Variants in CNTNAP2 observed in about 807,000 individuals in gnomAD.
CNTNAP2 encodes the protein contactin-associated protein-like 2.
In CNTNAP2, 98 loss-of-function variants were observed where a neutral mutation model predicts 155.2. The ratio of observed to expected loss-of-function variants is 0.63; its 90% CI spans 0.54 to 0.75. The LOEUF is 0.75. CNTNAP2 is among the 30% of genes least tolerant of loss of function. The pLI, the probability that CNTNAP2 is intolerant of heterozygous loss-of-function variation, is 0.00. For synonymous variants in CNTNAP2, 651 were observed against 631.2 expected (o/e 1.03, Z -0.47); for missense variants, 1,727 against 1,688.1 (o/e 1.02, Z -0.40).
At chr7:148,082,364 A>C (rs562314427) in intron 15 of CNTNAP2, among the ~76,000 whole-genome samples, 1 of 152,316 alleles carries the variant, frequency 6.6e-6, no homozygotes, top group African/African-American at 2.4e-5. Context: ...CCCAGGGGAA[A>C]ATCCAAGCTA....
intron 1 of CNTNAP2, among the ~76,000 whole-genome samples, chr7:146,745,801 A>T (rs1235053335): frequency 1.3e-5 from 2 of 151,204 alleles, no homozygotes; most frequent in African/African-American, 4.9e-5. Context: ...TAAGGGTAAC[A>T]TTTGCCATTG....
At chr7:147,606,033 G>C (rs1033183734) in intron 12 of CNTNAP2, among the ~76,000 whole-genome samples, 16 of 151,814 alleles carry the variant, frequency 1.1e-4, no homozygotes, top group Admixed American at 9.8e-4. Flanking sequence ...TAACCCCCAG[G>C]CAAGCAAACC....
chr7:146,315,439 TG>T (rs1274126414), intron 1 of CNTNAP2, among the ~76,000 whole-genome samples: 1 of 151,890 alleles, frequency 6.6e-6, no homozygotes, highest in Admixed American at 6.6e-5. Context: ...GTGCTCAGGG[TG>T]GGGTTATGCC....
chr7:147,748,051 C>T (rs1797073800), intron 13 of CNTNAP2, among the ~76,000 whole-genome samples: 1 of 152,122 alleles, frequency 6.6e-6, no homozygotes, highest in Non-Finnish European at 1.5e-5. Flanking sequence ...CTTTTAAGAA[C>T]CATAATCAGA....
At chr7:148,083,632 A>G (rs529610306) in intron 15 of CNTNAP2, among the ~76,000 whole-genome samples, 11 of 152,326 alleles carry the variant, frequency 7.2e-5, no homozygotes, top group African/African-American at 2.6e-4. Flanking sequence ...TGCATGAAAT[A>G]AAATACTGGC....
intron 13 of CNTNAP2, among the ~76,000 whole-genome samples, chr7:147,662,553 A>T (rs1795628561): frequency 6.6e-6 from 1 of 152,222 alleles, no homozygotes; most frequent in Admixed American, 6.5e-5. Context: ...CTTTTTGCAA[A>T]GAGACAAGTG....
At chr7:146,361,651 G>C (rs2159674) in intron 1 of CNTNAP2, among the ~76,000 whole-genome samples, 1 of 151,994 alleles carries the variant, frequency 6.6e-6, no homozygotes, top group African/African-American at 2.4e-5. Context: ...CTGGTGGAGA[G>C]TAGATTACTC....
At chr7:146,951,312 G>T (rs1287885571) in intron 3 of CNTNAP2, among the ~76,000 whole-genome samples, 1 of 152,114 alleles carries the variant, frequency 6.6e-6, no homozygotes, top group East Asian at 1.9e-4. Flanking sequence ...GATCCCATTT[G>T]TCAATTTTGG....
chr7:147,993,796 T>A (rs1211593667), intron 15 of CNTNAP2, among the ~76,000 whole-genome samples: 1 of 152,182 alleles, frequency 6.6e-6, no homozygotes, highest in African/African-American at 2.4e-5. Flanking sequence ...CAGGATGTTA[T>A]ATATTTGAGA....
intron 1 of CNTNAP2, among the ~76,000 whole-genome samples, chr7:146,522,175 T>C (rs755990613): frequency 2.6e-5 from 4 of 152,134 alleles, no homozygotes; most frequent in Admixed American, 2.6e-4. Flanking sequence ...GTAGATAAAG[T>C]TGCCGTATTT....
intron 12 of CNTNAP2, among the ~76,000 whole-genome samples, chr7:147,615,013 G>A (rs571738968): frequency 6.6e-6 from 1 of 150,716 alleles, no homozygotes; most frequent in Admixed American, 6.6e-5. Flanking sequence ...AGTAACTTGG[G>A]AGGCCAAGGT....
At chr7:147,835,724 C>T (rs1252490334) in intron 13 of CNTNAP2, among the ~76,000 whole-genome samples, 1 of 152,146 alleles carries the variant, frequency 6.6e-6, no homozygotes, top group East Asian at 1.9e-4. Flanking sequence ...AGTTAAGGAT[C>T]TGCAGATTAA....
At chr7:148,101,417 A>G (rs902217730) in intron 15 of CNTNAP2, among the ~76,000 whole-genome samples, 2 of 151,388 alleles carry the variant, frequency 1.3e-5, no homozygotes, top group African/African-American at 4.9e-5. Flanking sequence ...GGTAGAAGGT[A>G]AAAGATTAAG....
intron 13 of CNTNAP2, among the ~76,000 whole-genome samples, chr7:147,794,571 A>C (rs1440509351): frequency 6.6e-6 from 1 of 151,468 alleles, no homozygotes; most frequent in Non-Finnish European, 1.5e-5. Flanking sequence ...TTTATACCAC[A>C]ATTCATAAGA....
chr7:146,963,477 T>C (rs575937612), intron 3 of CNTNAP2, among the ~76,000 whole-genome samples: 4 of 152,316 alleles, frequency 2.6e-5, no homozygotes, highest in South Asian at 4.1e-4. Context: ...GCTTCAAGTG[T>C]CATGGTTTAG....
intron 1 of CNTNAP2, among the ~76,000 whole-genome samples, chr7:146,363,609 T>A (rs1795116145): frequency 6.6e-6 from 1 of 152,142 alleles, no homozygotes; most frequent in Admixed American, 6.6e-5. Context: ...GGGAGAGTCC[T>A]AAGACAAAAT....
At chr7:148,060,272 TA>T (rs1554467902) in intron 15 of CNTNAP2, among the ~76,000 whole-genome samples, 3 of 152,210 alleles carry the variant, frequency 2.0e-5, no homozygotes, top group Non-Finnish European at 2.9e-5. Flanking sequence ...AAATGGTTTA[TA>T]TTTTTTTCTC....
chr7:146,799,113 A>G (rs983612857), intron 2 of CNTNAP2, among the ~76,000 whole-genome samples: 2 of 152,184 alleles, frequency 1.3e-5, no homozygotes, highest in African/African-American at 2.4e-5. Flanking sequence ...TGTATTTGCT[A>G]TTTATTAGAA....
intron 11 of CNTNAP2, among the ~76,000 whole-genome samples, chr7:147,550,752 T>A (rs949561407): frequency 3.9e-5 from 6 of 152,110 alleles, no homozygotes; most frequent in Non-Finnish European, 8.8e-5. Context: ...TCTGAAACGA[T>A]CTTGTTCCCC....
Sources: gnomAD v4.1 joint callset for allele counts (sites outside exome capture counted in the v4.1 genomes callset) on GRCh38, gnomAD v4.1.1 for gene constraint, MANE v1.5 for transcripts, NCBI Gene and HGNC (gene_info 2026-07-23, HGNC 2026-07-21) for gene names.